WNK2: variants seen among roughly 807,000 people sequenced by gnomAD.
WNK2 encodes the protein serine/threonine-protein kinase WNK2.
A neutral mutation model predicts 192.1 loss-of-function variants in WNK2; 67 were observed. The observed-to-expected ratio is 0.35, with a 90% CI of 0.29 to 0.43. The LOEUF (loss-of-function observed/expected upper bound fraction) is 0.43. WNK2 is among the 20% of genes least tolerant of loss of function. The pLI is 1.00. For synonymous variants in WNK2, 1,439 were observed against 1,393.9 expected, an observed-to-expected ratio of 1.03 and a Z score of -0.72; for missense variants, 2,698 against 3,089.7, an observed-to-expected ratio of 0.87 and a Z score of 3.01.
chr9:93,297,964 A>G lies in WNK2; in HGVS notation c.5820A>G (p.Ala1940=), dbSNP rs956616297. 1 of 1,574,966 alleles carries G rather than the reference A, an allele frequency of 6.3e-7. No individual in the cohort carries two copies. The highest frequency in any genetic ancestry group is 8.6e-7 in the Non-Finnish European group (1 of 1,161,786). The change falls in exon 24 of 30, where the codon GCA becomes GCG. Residue 1940 remains alanine, a synonymous_variant. Transcript: ENST00000427277. ...LPPNVGFFHT[A]PPTGRRRKTS... ...CCAACGTGGGCTTCTTCCACACGGC[A>G]CCCCCCACTGGCCGCCGGAGAAAAA...
chr9:93,292,806 A>G lies in WNK2; in HGVS notation c.5341A>G (p.Ser1781Gly). Residue 1781 changes from serine to glycine, a missense_variant, in exon 23 of 30, where the codon AGC becomes GGC. By Grantham distance (56) the Ser-to-Gly change is moderately conservative. Coordinates refer to ENST00000427277, the MANE Select transcript of WNK2 (RefSeq NM_006648.4). ...PDVYLDEAPSSPDVKLAVRRA... is the reference protein window; with the variant it reads ...PDVYLDEAPSGPDVKLAVRRA... Reference sequence around the variant, plus strand: ...CGTCTACCTGGACGAGGCCCCCTCCAGCCCCGACGTGAAGCTGGCAGTGCG... The same window carrying G: ...CGTCTACCTGGACGAGGCCCCCTCCGGCCCCGACGTGAAGCTGGCAGTGCG... The G allele has an allele frequency of 6.5e-7, 1 of 1,537,844 alleles. No homozygotes were observed. The highest frequency in any genetic ancestry group is 1.4e-5 in the African/African-American group (1 of 72,450).
At chr9:93,297,821 C>T (rs1205144662) in intron 23 of WNK2, 32 bp from the exon 24 acceptor site, 1 of 1,540,792 alleles carries the variant, frequency 6.5e-7, no homozygotes, top group East Asian at 2.4e-5. Flanking sequence ...CCGAGGAAGC[C>T]CATCGGCGCT....
At chr9:93,260,864 A>G (rs1246000363) in intron 12 of WNK2, among the ~76,000 whole-genome samples, 1 of 152,212 alleles carries the variant, frequency 6.6e-6, no homozygotes, top group East Asian at 1.9e-4. Flanking sequence ...GGGCCACACC[A>G]GGGAGCAGGA....
Position 93,267,906 on chromosome 9 carries a change from G to C in WNK2, c.3857G>C (p.Gly1286Ala). The change falls in exon 17 of 30, where the codon GGC becomes GCC. Residue 1286 changes from glycine (G) to alanine (A), a missense_variant. Transcript: ENST00000427277. ...SPPHLSTCGLGTGEESRQSQA... is the reference protein window; with the variant it reads ...SPPHLSTCGLATGEESRQSQA... ...CCACACCTCAGCACCTGCGGCCTGG[G>C]CACCGGGGAGGTGAGGTTGTGAAAT... 6.2e-7 allele frequency: 1 copy of C among 1,612,362 alleles called. No homozygotes were observed. The highest frequency in any genetic ancestry group is 8.5e-7 in the Non-Finnish European group (1 of 1,179,294).
rs371505800 is a variant in WNK2, at chr9:93,227,862, T to C, written c.682-1834T>C. ...TTTATTGTCTGGATTAAACATTAAC[T>C]TTTTTGTACTTAATGTTTCATTGGA... On this transcript the variant is annotated intron_variant, in intron 2 of 29. Transcript: ENST00000427277. Among the ~76,000 whole-genome samples the C allele has an allele frequency of 6.6e-5, 10 of 152,336 alleles. No homozygotes were observed. In the East Asian group the frequency reaches 1.5e-3, roughly 23 times the overall value.
intron 21 of WNK2, 99 bp downstream of exon 21, chr9:93,290,146 G>A (rs1849099863): frequency 6.6e-6 from 7 of 1,064,178 alleles, no homozygotes; most frequent in East Asian, 5.2e-5. Flanking sequence ...ATCTGTTAAG[G>A]CATAAAAGCA....
At chr9:93,298,951 C>A in intron 24 of WNK2, 119 bp from the exon 25 acceptor site, 1 of 1,057,072 alleles carries the variant, frequency 9.5e-7, no homozygotes, top group Non-Finnish European at 1.3e-6. Flanking sequence ...CTGTGGTCTG[C>A]AGGAGACGTG....
At chr9:93,202,016 G>A (rs1285607339) in intron 2 of WNK2, among the ~76,000 whole-genome samples, 3 of 152,076 alleles carry the variant, frequency 2.0e-5, no homozygotes, top group Admixed American at 1.3e-4. Flanking sequence ...AGGCTGGGCC[G>A]GTGAGGGTTG....
intron 19 of WNK2, among the ~76,000 whole-genome samples, chr9:93,282,136 G>A (rs6479471): frequency 6.6e-6 from 1 of 152,220 alleles, no homozygotes; most frequent in Admixed American, 6.5e-5. Flanking sequence ...ATGTTAAAAT[G>A]CATGAAAATG....
intron 2 of WNK2, among the ~76,000 whole-genome samples, chr9:93,208,603 CCT>C (rs2131431110): frequency 2.6e-5 from 1 of 39,006 alleles, no homozygotes; most frequent in Non-Finnish European, 5.2e-5. Flanking sequence ...GTATTCGTGT[CCT>C]GTGTGTTCTG....
chr9:93,237,639 C>T lies in WNK2; in HGVS notation c.1234-594C>T, dbSNP rs564033788. Among the ~76,000 whole-genome samples the T allele has an allele frequency of 2.6e-5, 4 of 152,302 alleles. No individual in the cohort carries two copies. The South Asian group carries it at 8.3e-4, about 32-fold the overall frequency. ...CTGTTGGCTGGCTTTTCTGCAAGGT[C>T]GTGGGTCACATTTTCTTGCATCTCA... On this transcript the variant is annotated intron_variant, in intron 5 of 29. Transcript: ENST00000427277.
At chr9:93,292,057 G>A (rs140084495) in intron 21 of WNK2, among the ~76,000 whole-genome samples, 316 of 152,338 alleles carry the variant, frequency 2.1e-3, no homozygotes, top group African/African-American at 7.0e-3. Context: ...TCTCTTGCCC[G>A]GGTTTATTGG....
At chr9:93,228,862 A>ATGGG (rs1838251082) in intron 2 of WNK2, among the ~76,000 whole-genome samples, 1 of 151,908 alleles carries the variant, frequency 6.6e-6, no homozygotes, top group Admixed American at 6.6e-5. Context: ...GTGGCGAGGG[A>ATGGG]TGGGTGAGCT....
chr9:93,188,572 C>G (rs1480820929), intron 2 of WNK2, among the ~76,000 whole-genome samples: 1 of 152,226 alleles, frequency 6.6e-6, no homozygotes, highest in Non-Finnish European at 1.5e-5. Flanking sequence ...CAGCAGAACA[C>G]ATTATGGTAA....
At chr9:93,205,445 C>A (rs1020546836) in intron 2 of WNK2, among the ~76,000 whole-genome samples, 2 of 152,168 alleles carry the variant, frequency 1.3e-5, no homozygotes, top group Non-Finnish European at 2.9e-5. Flanking sequence ...TATCCTGGGC[C>A]CCCTTGTTCC....
chr9:93,254,544 T>C (rs182044621), intron 9 of WNK2, among the ~76,000 whole-genome samples: 3 of 152,342 alleles, frequency 2.0e-5, no homozygotes, highest in African/African-American at 7.2e-5. Context: ...GGAAAAGCAG[T>C]GGAAGCTGTT....
intron 2 of WNK2, among the ~76,000 whole-genome samples, chr9:93,217,207 T>C (rs1202993371): frequency 6.6e-6 from 1 of 152,162 alleles, no homozygotes; most frequent in East Asian, 1.9e-4. Flanking sequence ...TCCGCCTGCC[T>C]CGGCCTCCCA....
Position 93,289,083 on chromosome 9 carries a change from G to C in WNK2, c.4329G>C (p.Pro1443=). Residue 1443 remains proline (P), a synonymous_variant, in exon 20 of 30, where the codon CCG becomes CCC. Coordinates refer to ENST00000427277, the MANE Select transcript of WNK2 (RefSeq NM_006648.4). The part of the protein sequence containing the change: ...SQPLAETHEA[P]LAVQPLVVGL... ...CACTAGCGGAGACTCACGAGGCCCC[G>C]CTTGCTGTGCAGCCCCTCGTGGTGG... The C allele has an allele frequency of 1.9e-6, 3 of 1,607,660 alleles. No homozygotes were observed. The highest frequency in any genetic ancestry group is 1.7e-6 in the Non-Finnish European group (2 of 1,177,490).
intron 7 of WNK2, among the ~76,000 whole-genome samples, chr9:93,242,394 T>C (rs1840923448): frequency 6.6e-6 from 1 of 152,228 alleles, no homozygotes; most frequent in Non-Finnish European, 1.5e-5. Flanking sequence ...GGAGGATCTT[T>C]CCTTGCTCTC....
Sources: allele counts gnomAD v4.1 joint callset (sites outside exome capture counted in the v4.1 genomes callset), GRCh38; gene constraint gnomAD v4.1.1; transcripts MANE v1.5; gene names NCBI Gene and HGNC (gene_info 2026-07-23, HGNC 2026-07-21).